The following CHL1 variants were observed in gnomAD, a reference collection of about 807,000 sequenced individuals.
CHL1 encodes the protein cell adhesion molecule L1 like.
In CHL1, 96 loss-of-function variants were observed where a neutral mutation model predicts 141.9. The observed-to-expected ratio is 0.68, with a 90% CI of 0.57 to 0.80. The LOEUF (loss-of-function observed/expected upper bound fraction) is 0.80, where lower values mean the gene tolerates loss of function less well. CHL1 is among the 30% of genes least tolerant of loss of function. The pLI, the probability that CHL1 is intolerant of heterozygous loss-of-function variation, is 0.00. For synonymous variants in CHL1, 613 were observed against 502.2 expected, an observed-to-expected ratio of 1.22 and a Z score of -2.95; for missense variants, 1,820 against 1,457.2, an observed-to-expected ratio of 1.25 and a Z score of -4.05.
chr3:388,933 A>G (rs1005679196), intron 19 of CHL1, among the ~76,000 whole-genome samples: 1 of 152,250 alleles, frequency 6.6e-6, no homozygotes, highest in Non-Finnish European at 1.5e-5. Flanking sequence ...CATAAGCAAA[A>G]AGCTAAAACA....
chr3:222,021 A>G (rs918039495), intron 1 of CHL1, among the ~76,000 whole-genome samples: 8 of 152,220 alleles, frequency 5.3e-5, no homozygotes, highest in African/African-American at 1.9e-4. Context: ...AAGGCAGCAT[A>G]TATTTTGTAT....
At chr3:289,826 T>TTTAC (rs962241342) in intron 2 of CHL1, among the ~76,000 whole-genome samples, 37 of 151,958 alleles carry the variant, frequency 2.4e-4, no homozygotes, top group African/African-American at 8.0e-4. Flanking sequence ...CATTAATACA[T>TTTAC]TTACTTAATA....
At chr3:286,276 A>G (rs2125318068) in intron 2 of CHL1, among the ~76,000 whole-genome samples, 1 of 152,192 alleles carries the variant, frequency 6.6e-6, no homozygotes, top group Middle Eastern at 3.4e-3. Flanking sequence ...CACAAGAAAG[A>G]ATTTGGGGCA....
intron 2 of CHL1, among the ~76,000 whole-genome samples, chr3:294,252 G>A (rs1420517292): frequency 2.6e-5 from 4 of 152,196 alleles, no homozygotes; most frequent in Middle Eastern, 3.4e-3. Context: ...CTGGGAGGTC[G>A]AGGATGCAGT....
At chr3:199,186 G>A (rs541189624) in intron 1 of CHL1, among the ~76,000 whole-genome samples, 12 of 152,154 alleles carry the variant, frequency 7.9e-5, no homozygotes, top group Non-Finnish European at 1.5e-4. Context: ...CTTTAGTAAT[G>A]GCAGAACGTA....
chr3:333,575 C>G (rs1433227624), intron 5 of CHL1, among the ~76,000 whole-genome samples: 1 of 152,116 alleles, frequency 6.6e-6, no homozygotes, highest in East Asian at 1.9e-4. Context: ...AACTATTTAA[C>G]TAAATGTATT....
intron 2 of CHL1, among the ~76,000 whole-genome samples, chr3:278,463 C>A (rs560991023): frequency 1.3e-5 from 2 of 152,266 alleles, no homozygotes; most frequent in South Asian, 4.1e-4. Flanking sequence ...CCCAGGGGAC[C>A]AGTGGTATGT....
At chr3:249,080 C>T (rs1022363776) in intron 2 of CHL1, among the ~76,000 whole-genome samples, 3 of 152,172 alleles carry the variant, frequency 2.0e-5, no homozygotes, top group Non-Finnish European at 4.4e-5. Flanking sequence ...TCACAGACAT[C>T]TCTTCTAAAC....
chr3:216,963 T>A (rs933651669), intron 1 of CHL1, among the ~76,000 whole-genome samples: 2 of 152,226 alleles, frequency 1.3e-5, no homozygotes, highest in Non-Finnish European at 1.5e-5. Flanking sequence ...CTGGAATTAG[T>A]TATGTGCCAT....
intron 2 of CHL1, among the ~76,000 whole-genome samples, chr3:283,485 T>C (rs984960873): frequency 2.0e-5 from 3 of 152,232 alleles, no homozygotes; most frequent in African/African-American, 7.2e-5. Flanking sequence ...CTTTTATTCA[T>C]TAGTCTAGCC....
intron 23 of CHL1, among the ~76,000 whole-genome samples, chr3:392,879 T>C (rs1305387231): frequency 2.3e-4 from 35 of 152,206 alleles, no homozygotes; most frequent in Non-Finnish European, 1.5e-5. Context: ...ACTAAGTGTA[T>C]CTCTTTGCAT....
At chr3:345,941 C>G (rs1160287085) in intron 9 of CHL1, among the ~76,000 whole-genome samples, 1 of 152,142 alleles carries the variant, frequency 6.6e-6, no homozygotes, top group Non-Finnish European at 1.5e-5. Context: ...TTACCACTAT[C>G]CTTCCGAACT....
chr3:378,259 C>G (rs115013849), intron 16 of CHL1, among the ~76,000 whole-genome samples: 1,771 of 152,022 alleles, frequency 0.012, 13 homozygotes, highest in Middle Eastern at 0.037. Flanking sequence ...TCCTGGTGTA[C>G]AAAGAAATGG....
In CHL1 at chr3:389,379, CTGT is replaced by C; in HGVS notation, c.2376_2378del (p.Val793del). ...CACACATTGCGGGTGATGACGCCTG[CTGT>C]CTATGCCCCTTATGATGTCAAGGTC... On this transcript the variant is annotated inframe_deletion, in exon 20 of 28. Transcript: ENST00000256509. 1 of 1,614,196 alleles carries C rather than the reference CTGT, an allele frequency of 6.2e-7. No individual in the cohort carries two copies. Among genetic ancestry groups the C allele is most frequent in the Non-Finnish European group, 8.5e-7 (1 of 1,180,026 alleles).
intron 2 of CHL1, among the ~76,000 whole-genome samples, chr3:312,030 G>A (rs1282963485): frequency 2.0e-5 from 3 of 151,860 alleles, no homozygotes; most frequent in Non-Finnish European, 4.4e-5. Context: ...ATGTATAGGT[G>A]GGAAAACAAA....
intron 2 of CHL1, among the ~76,000 whole-genome samples, chr3:271,399 A>G (rs1212018042): frequency 1.3e-5 from 2 of 152,218 alleles, no homozygotes; most frequent in Non-Finnish European, 2.9e-5. Context: ...TGATTACACC[A>G]CTGCACTCCA....
intron 11 of CHL1, among the ~76,000 whole-genome samples, chr3:357,226 C>A (rs1703800709): frequency 6.6e-6 from 1 of 152,170 alleles, no homozygotes; most frequent in African/African-American, 2.4e-5. Flanking sequence ...TGTTGCCCTG[C>A]AAACAGGTCG....
intron 2 of CHL1, among the ~76,000 whole-genome samples, chr3:313,364 T>G (rs891295917): frequency 6.6e-6 from 1 of 152,216 alleles, no homozygotes; most frequent in South Asian, 2.1e-4. Flanking sequence ...AAGCTGCTTT[T>G]TGCCCATGTA....
intron 2 of CHL1, among the ~76,000 whole-genome samples, chr3:300,641 C>G (rs544978498): frequency 6.6e-6 from 1 of 152,110 alleles, no homozygotes; most frequent in African/African-American, 2.4e-5. Context: ...TGAGCAAAGC[C>G]TGAATGTTTC....
Sources: allele counts gnomAD v4.1 joint callset (sites outside exome capture counted in the v4.1 genomes callset), GRCh38; gene constraint gnomAD v4.1.1; transcripts MANE v1.5; gene names NCBI Gene and HGNC (gene_info 2026-07-23, HGNC 2026-07-21).